The following MDGA2 variants were observed in gnomAD, a reference collection of about 807,000 sequenced individuals.
MDGA2 encodes MAM domain-containing glycosylphosphatidylinositol anchor protein 2.
Under a neutral mutation model 117.8 loss-of-function variants are expected in MDGA2, and 40 were observed. That is an observed-to-expected ratio of 0.34 (90% CI 0.26 to 0.44). MDGA2 has a LOEUF of 0.44. MDGA2 is among the 20% of genes least tolerant of loss of function. The pLI is 1.00. For synonymous variants in MDGA2, 452 were observed against 439.0 expected (o/e 1.03, Z -0.37); for missense variants, 1,123 against 1,250.6 (o/e 0.90, Z 1.54).
At position 46,939,961 on chromosome 14, in the gene MDGA2, C is replaced by T. The variant is rs150517000; in HGVS notation, c.2089+17413G>A. 5.4e-4 allele frequency among the ~76,000 whole-genome samples: 82 copies of T among 152,206 alleles called. No individual in the cohort carries two copies. In the Middle Eastern group the frequency reaches 0.01, roughly 19 times the overall value. On this transcript the variant is annotated intron_variant, in intron 9 of 16. Coordinates refer to ENST00000399232, the MANE Select transcript of MDGA2 (RefSeq NM_001113498.3). ...AATCCAGGCTGTATTACTCTTGCTA[C>T]GACTCTTACCCTGGTATAGGAACTA... is the stretch of plus-strand genomic sequence containing the variant.
intron 1 of MDGA2, among the ~76,000 whole-genome samples, chr14:47,333,106 T>C (rs1890339467): frequency 6.6e-6 from 1 of 150,430 alleles, no homozygotes; most frequent in South Asian, 2.1e-4. Context: ...GCGATAAACA[T>C]ACCAAATGCA....
At chr14:46,932,428 T>C (rs182860250) in intron 9 of MDGA2, among the ~76,000 whole-genome samples, 225 of 152,264 alleles carry the variant, frequency 1.5e-3, no homozygotes, top group Middle Eastern at 3.4e-3. Context: ...TATAAAAATA[T>C]ATACTTGAAA....
chr14:47,307,733 A>T (rs1404718335), intron 1 of MDGA2, among the ~76,000 whole-genome samples: 1 of 151,948 alleles, frequency 6.6e-6, no homozygotes, highest in Non-Finnish European at 1.5e-5. Flanking sequence ...TTGAAGAAGA[A>T]GGTGGAGAAT....
At chr14:47,075,666 A>G (rs1403862331) in intron 6 of MDGA2, among the ~76,000 whole-genome samples, 1 of 152,226 alleles carries the variant, frequency 6.6e-6, no homozygotes, top group Non-Finnish European at 1.5e-5. Context: ...AAGGACTCAT[A>G]AAACATTTAT....
chr14:47,329,408 C>A (rs911846558), intron 1 of MDGA2, among the ~76,000 whole-genome samples: 1 of 152,002 alleles, frequency 6.6e-6, no homozygotes, highest in Non-Finnish European at 1.5e-5. Flanking sequence ...GAGGGTATCA[C>A]TCTAATAGGG....
intron 7 of MDGA2, among the ~76,000 whole-genome samples, chr14:47,038,693 T>C (rs553250737): frequency 2.7e-4 from 41 of 152,112 alleles, no homozygotes; most frequent in African/African-American, 8.9e-4. Context: ...ATTCCAGTAC[T>C]TTGGGCGGCC....
chr14:47,224,538 TAC>T (rs1482109612), intron 2 of MDGA2, among the ~76,000 whole-genome samples: 1 of 152,180 alleles, frequency 6.6e-6, no homozygotes, highest in Non-Finnish European at 1.5e-5. Context: ...TGAGGATTTG[TAC>T]ACTGAAGCTC....
intron 8 of MDGA2, among the ~76,000 whole-genome samples, chr14:46,974,117 A>G (rs1544197): frequency 0.4 from 60,272 of 151,932 alleles, 12,562 homozygotes; most frequent in Middle Eastern, 0.48. Flanking sequence ...TAATAGTATC[A>G]AAAGTAGTAA....
chr14:47,602,247 T>C (rs1320329340), intron 1 of MDGA2, among the ~76,000 whole-genome samples: 1 of 152,164 alleles, frequency 6.6e-6, no homozygotes, highest in Non-Finnish European at 1.5e-5. Flanking sequence ...AAGTGCCCTA[T>C]GAGTGCCAGT....
At chr14:47,174,092 A>T (rs1884317936) in intron 3 of MDGA2, among the ~76,000 whole-genome samples, 1 of 152,246 alleles carries the variant, frequency 6.6e-6, no homozygotes, top group African/African-American at 2.4e-5. Context: ...CAACAAGAAG[A>T]GGTAACTATC....
chr14:47,455,480 A>T (rs567509740), intron 1 of MDGA2, among the ~76,000 whole-genome samples: 1 of 152,008 alleles, frequency 6.6e-6, no homozygotes, highest in South Asian at 2.1e-4. Flanking sequence ...TACTCCAGCC[A>T]GGATGACACA....
intron 1 of MDGA2, among the ~76,000 whole-genome samples, chr14:47,588,237 G>GATATATAT (rs536923185): frequency 1.6e-5 from 2 of 123,866 alleles, no homozygotes; most frequent in Non-Finnish European, 3.4e-5. Context: ...GAGATAGATA[G>GATATATAT]ATATATATAT....
At chr14:46,888,576 C>A (rs1047622784) in intron 10 of MDGA2, among the ~76,000 whole-genome samples, 1 of 151,826 alleles carries the variant, frequency 6.6e-6, no homozygotes, top group Non-Finnish European at 1.5e-5. Context: ...AAAGCTATTG[C>A]TGAAAAGGTC....
At chr14:47,599,850 T>A (rs1311743995) in intron 1 of MDGA2, among the ~76,000 whole-genome samples, 1 of 152,110 alleles carries the variant, frequency 6.6e-6, no homozygotes, top group Non-Finnish European at 1.5e-5. Flanking sequence ...TGTTTTAAAA[T>A]GAAGAAGAGG....
chr14:46,995,563 T>C (rs943783099), intron 8 of MDGA2, among the ~76,000 whole-genome samples: 16 of 152,148 alleles, frequency 1.1e-4, no homozygotes, highest in African/African-American at 3.6e-4. Context: ...TGCTTTTTTT[T>C]TGACTATACA....
At chr14:47,078,944 C>T (rs1594597126) in intron 6 of MDGA2, among the ~76,000 whole-genome samples, 1 of 151,948 alleles carries the variant, frequency 6.6e-6, no homozygotes, top group Non-Finnish European at 1.5e-5. Flanking sequence ...CTCCCCAGTA[C>T]TCCCCATGCC....
chr14:47,423,296 TGA>T (rs1221813612), intron 1 of MDGA2, among the ~76,000 whole-genome samples: 1 of 152,226 alleles, frequency 6.6e-6, no homozygotes, highest in East Asian at 1.9e-4. Context: ...TTCACTTCTG[TGA>T]GTTAACTTTT....
At chr14:46,857,894 C>G (rs915737527) in intron 14 of MDGA2, among the ~76,000 whole-genome samples, 22 of 151,906 alleles carry the variant, frequency 1.4e-4, no homozygotes, top group African/African-American at 5.3e-4. Flanking sequence ...TTCAAGCAAT[C>G]CTCCTGCCTT....
rs531856669 is a variant in MDGA2 at position 47,545,238 on chromosome 14, A to G, written c.280+129279T>C. 3.3e-5 allele frequency among the ~76,000 whole-genome samples: 5 copies of G among 152,318 alleles called. No homozygotes were observed. In the East Asian group the frequency reaches 9.7e-4, roughly 29 times the overall value. On this transcript the variant is annotated intron_variant, in intron 1 of 16. Transcript: ENST00000399232. ...AAATAGGAAGGCTGATGCCACTAAA[A>G]GCTGATGTCTAAATCCTAAATGCAT...
Sources: allele counts gnomAD v4.1 joint callset (sites outside exome capture counted in the v4.1 genomes callset), GRCh38; gene constraint gnomAD v4.1.1; transcripts MANE v1.5; gene names NCBI Gene and HGNC (gene_info 2026-07-23, HGNC 2026-07-21).